The following RANBP2 variants were observed in gnomAD, a reference collection of about 807,000 sequenced individuals.
RANBP2 encodes the protein E3 SUMO-protein ligase RanBP2.
In RANBP2, 57 loss-of-function variants were observed where a neutral mutation model predicts 303.6. The ratio of observed to expected loss-of-function variants is 0.19; its 90% CI spans 0.15 to 0.23. RANBP2 has a LOEUF of 0.23. Ranked by LOEUF, RANBP2 falls within the 10% of genes least tolerant of loss-of-function variation. The pLI is 1.00. For synonymous variants in RANBP2, 1,167 were observed against 1,301.5 expected (o/e 0.90, Z 2.23); for missense variants, 3,138 against 3,780.8 (o/e 0.83, Z 4.46).
the RANBP2 span, among the ~76,000 whole-genome samples, chr2:109,061,423 G>A: frequency 6.6e-6 from 1 of 152,168 alleles, no homozygotes; most frequent in East Asian, 1.9e-4. Flanking sequence ...GAGTCATCTT[G>A]CTCATCTCTT....
the RANBP2 span, among the ~76,000 whole-genome samples, chr2:109,226,710 A>G: frequency 1.4e-4 from 21 of 152,236 alleles, no homozygotes; most frequent in Middle Eastern, 3.4e-3. Context: ...AAGTCTTTGC[A>G]GGATCTCCAC....
chr2:108,742,153 C>T (rs570252284), intron 7 of RANBP2, among the ~76,000 whole-genome samples: 21 of 151,420 alleles, frequency 1.4e-4, no homozygotes, highest in Admixed American at 5.9e-4. Context: ...TGCGCCACCA[C>T]GCCCGTCTAA....
chr2:109,459,697 G>C, the RANBP2 span, among the ~76,000 whole-genome samples: 1 of 152,152 alleles, frequency 6.6e-6, no homozygotes, highest in Admixed American at 6.5e-5. Context: ...CAAAGCGGCT[G>C]AGTGGCAGTC....
At chr2:109,622,443 A>C in the RANBP2 span, among the ~76,000 whole-genome samples, 1 of 152,234 alleles carries the variant, frequency 6.6e-6, no homozygotes, top group Non-Finnish European at 1.5e-5. Context: ...CTAAGAACCA[A>C]AAACAAGCAT....
chr2:109,615,574 G>T, the RANBP2 span: 1 of 1,614,054 alleles, frequency 6.2e-7, no homozygotes, highest in Non-Finnish European at 8.5e-7. Flanking sequence ...CTGCTGGTGG[G>T]GGCCTACGAC....
the RANBP2 span, among the ~76,000 whole-genome samples, chr2:109,122,997 G>T: frequency 6.6e-6 from 1 of 152,204 alleles, no homozygotes; most frequent in Non-Finnish European, 1.5e-5. Flanking sequence ...AACTTGCACA[G>T]TGACGGTGAA....
chr2:108,828,299 A>G, the RANBP2 span, among the ~76,000 whole-genome samples: 47 of 152,336 alleles, frequency 3.1e-4, no homozygotes, highest in Middle Eastern at 3.4e-3. Flanking sequence ...CAAAATGAAG[A>G]CTATAGATTT....
At chr2:109,438,978 C>T in the RANBP2 span, among the ~76,000 whole-genome samples, 2 of 152,180 alleles carry the variant, frequency 1.3e-5, no homozygotes, top group Non-Finnish European at 1.5e-5. Context: ...CCACTCATCA[C>T]GGTGAGTCAG....
At chr2:108,947,661 T>C in the RANBP2 span, among the ~76,000 whole-genome samples, 1 of 152,246 alleles carries the variant, frequency 6.6e-6, no homozygotes, top group Non-Finnish European at 1.5e-5. Flanking sequence ...GCCTGAGCTG[T>C]ACCTTGGCCC....
At chr2:109,549,897 C>T in the RANBP2 span, among the ~76,000 whole-genome samples, 727 of 152,162 alleles carry the variant, frequency 4.8e-3, 2 homozygotes, top group Middle Eastern at 0.017. Context: ...ATTTTCAGAC[C>T]GTAGTTGACC....
At chr2:109,285,457 C>A in the RANBP2 span, among the ~76,000 whole-genome samples, 2 of 152,172 alleles carry the variant, frequency 1.3e-5, no homozygotes, top group Non-Finnish European at 2.9e-5. Context: ...CTGTGCCGTG[C>A]GTTTTTGTTA....
the RANBP2 span, among the ~76,000 whole-genome samples, chr2:109,348,452 C>G: frequency 6.6e-6 from 1 of 152,166 alleles, no homozygotes; most frequent in Non-Finnish European, 1.5e-5. Context: ...CACCCTGGTG[C>G]GTAGGGATCC....
chr2:108,961,609 T>A, the RANBP2 span, among the ~76,000 whole-genome samples: 1 of 152,218 alleles, frequency 6.6e-6, no homozygotes, highest in African/African-American at 2.4e-5. Flanking sequence ...AAAAAAGCAC[T>A]CACTGGCAGA....
the RANBP2 span, among the ~76,000 whole-genome samples, chr2:108,808,346 A>C: frequency 7.2e-5 from 11 of 152,300 alleles, no homozygotes; most frequent in Admixed American, 2.6e-4. Flanking sequence ...TCTTCAATAT[A>C]CTGATTTTCT....
At chr2:109,415,054 G>A in the RANBP2 span, among the ~76,000 whole-genome samples, 1 of 152,234 alleles carries the variant, frequency 6.6e-6, no homozygotes, top group Non-Finnish European at 1.5e-5. Context: ...CGTGGTGGAA[G>A]CAGAGGCTAG....
the RANBP2 span, among the ~76,000 whole-genome samples, chr2:109,340,171 G>A: frequency 6.6e-6 from 1 of 152,128 alleles, no homozygotes. Context: ...AGGTTGGGAG[G>A]TCAGACCACC....
the RANBP2 span, among the ~76,000 whole-genome samples, chr2:109,255,850 A>C: frequency 3.3e-5 from 5 of 152,340 alleles, no homozygotes; most frequent in Non-Finnish European, 5.9e-5. Flanking sequence ...CAGAAAGAGA[A>C]GACAGTTAAA....
intron 7 of RANBP2, among the ~76,000 whole-genome samples, chr2:108,740,887 T>G (rs149244554): frequency 6.6e-5 from 10 of 151,544 alleles, no homozygotes; most frequent in East Asian, 1.9e-4. Context: ...GCACTCTTGT[T>G]GAAAGCCTGC....
At chr2:108,810,406 T>TA in the RANBP2 span, among the ~76,000 whole-genome samples, 21 of 152,358 alleles carry the variant, frequency 1.4e-4, no homozygotes, top group South Asian at 4.1e-3. Flanking sequence ...GAAATGATCG[T>TA]AAGGTAATTA....
Sources: gnomAD v4.1 joint callset for allele counts (sites outside exome capture counted in the v4.1 genomes callset) on GRCh38, gnomAD v4.1.1 for gene constraint, MANE v1.5 for transcripts, NCBI Gene and HGNC (gene_info 2026-07-23, HGNC 2026-07-21) for gene names.